PLXNB1: variants seen among roughly 807,000 people sequenced by gnomAD.
PLXNB1 encodes plexin B1.
In PLXNB1, 106 loss-of-function variants were observed where a neutral mutation model predicts 209.4. That is an observed-to-expected ratio of 0.51 (90% CI 0.43 to 0.59). The LOEUF (loss-of-function observed/expected upper bound fraction) is 0.59. Ranked by LOEUF, PLXNB1 falls within the 20% of genes least tolerant of loss-of-function variation. The probability of loss-of-function intolerance (pLI) is 0.00; values close to 1 mark genes in which losing one functional copy is unlikely to be tolerated. For missense variants in PLXNB1, 2,357 were observed against 2,853.2 expected (o/e 0.83, Z 3.96); for synonymous variants, 1,167 against 1,183.2 (o/e 0.99, Z 0.28).
rs891352478 is a variant in PLXNB1 at position 48,405,643 on chromosome 3, G to A, written c.6303+81C>T. The A allele has an allele frequency of 5.4e-5, 60 of 1,105,884 alleles. No homozygotes were observed. In the African/African-American group the frequency reaches 6.6e-4, roughly 12 times the overall value. 68.5% of individuals were successfully genotyped at this position (1,105,884 alleles called of 1,614,324 possible). A position where few individuals can be genotyped will look rare whatever the true frequency, so the allele number is the denominator to read the frequency against. On this transcript the variant is annotated intron_variant, in intron 37 of 37. Transcript: ENST00000296440. This position sits in a 1 kb window ranked among gnomAD's most constrained non-coding sequence, Gnocchi z 5.0. ...CCTGGGGAAGACCAAAGCCCCCAAC[G>A]TGAGTCACAGGGTCAGAGCCCCTTA...
chr3:48,420,624 C>A (rs2038445685), intron 10 of PLXNB1, 41 bp downstream of exon 10: 2 of 1,528,182 alleles, frequency 1.3e-6, no homozygotes, highest in East Asian at 2.3e-5. Context: ...CACTGGGACC[C>A]CCAACCCCCC....
rs199678172 is a variant in PLXNB1, at chr3:48,414,861, G to A, written c.4147C>T (p.Leu1383Phe). Residue 1383 changes from leucine (L) to phenylalanine (F), a missense_variant, in exon 21 of 38, where the codon CTC (leucine) becomes TTC (phenylalanine). Leu to Phe is a conservative substitution (Grantham distance 22). Transcript: ENST00000296440. Reference protein sequence around the residue: ...SYEADPTLQPLNPEDPTMPFR... With the variant: ...SYEADPTLQPFNPEDPTMPFR... ...GGCATGGTGGGGTCCTCAGGGTTGA[G>A]TGGCTGCAGGGTGGGGTCGGCCTCA... is the stretch of plus-strand genomic sequence containing the variant. The A allele has an allele frequency of 5.5e-5, 89 of 1,614,120 alleles. No individual in the cohort carries two copies. Among genetic ancestry groups the A allele is most frequent in the East Asian group, 8.9e-5 (4 of 44,890 alleles).
rs968429 is a variant in PLXNB1 at position 48,429,015 on chromosome 3, G to C, written c.-60+993C>G. 0.027 allele frequency among the ~76,000 whole-genome samples: 4,104 copies of C among 152,276 alleles called. 201 individuals are homozygous for C. Among genetic ancestry groups the C allele is most frequent in the African/African-American group, 0.093 (3,883 of 41,558 alleles). ...GCGGGGAAGGGGCCGGCCGGTCCCC[G>C]GCGGCGACGGCGAGGAGGGGGCGCG... On this transcript the variant is annotated intron_variant, in intron 1 of 37. Transcript: ENST00000296440. The surrounding 1 kb of genome is among the most constrained non-coding windows in gnomAD (Gnocchi z 6.4).
In PLXNB1 at chr3:48,413,934, A is replaced by G. The variant is rs770942288; in HGVS notation, c.4347T>C (p.His1449=). The change falls in exon 22 of 38, where the codon CAT becomes CAC. Residue 1449 remains histidine (H), a synonymous_variant. Transcript: ENST00000296440. The surrounding 1 kb of genome is among the most constrained non-coding windows in gnomAD (Gnocchi z 5.4). ...PPVEQPLPRH[H]ALREAPDSLP... Reference sequence around the variant, plus strand: ...AAGAGTCAGGTGCCTCTCGGAGGGCATGGTGCCGTGGCAGGGGCTGCTCCA... The same window carrying G: ...AAGAGTCAGGTGCCTCTCGGAGGGCGTGGTGCCGTGGCAGGGGCTGCTCCA... 1.9e-6 allele frequency: 3 copies of G among 1,612,694 alleles called. No homozygotes were observed. Among genetic ancestry groups the G allele is most frequent in the Non-Finnish European group, 2.5e-6 (3 of 1,179,418 alleles).
rs1315907120 is a variant in PLXNB1, at chr3:48,429,645, A to G, written c.-60+363T>C. On this transcript the variant is annotated intron_variant, in intron 1 of 37. Transcript: ENST00000296440. The surrounding 1 kb of genome is among the most constrained non-coding windows in gnomAD (Gnocchi z 6.4). ...GGACCCGACCCCTCCCGCACGGGGGAGGGCGGGGGCGGGCTGCACCGCGGC... is the reference window on the plus strand; with the variant it reads ...GGACCCGACCCCTCCCGCACGGGGGGGGGCGGGGGCGGGCTGCACCGCGGC... Among the ~76,000 whole-genome samples, 1 of 151,316 alleles carries G rather than the reference A, an allele frequency of 6.6e-6. No individual in the cohort carries two copies. Among genetic ancestry groups the G allele is most frequent in the Non-Finnish European group, 1.5e-5 (1 of 67,740 alleles).
chr3:48,413,449 C>T lies in PLXNB1; in HGVS notation c.4535+221G>A. The T allele has an allele frequency of 1.6e-6, 1 of 606,490 alleles. No homozygotes were observed. The highest frequency in any genetic ancestry group is 2.0e-5 in the South Asian group (1 of 49,158). 37.6% of individuals were successfully genotyped at this position (606,490 alleles called of 1,614,324 possible). On this transcript the variant is annotated intron_variant, in intron 23 of 37. Coordinates refer to ENST00000296440, the MANE Select transcript of PLXNB1 (RefSeq NM_001130082.3). The surrounding 1 kb of genome is among the most constrained non-coding windows in gnomAD (Gnocchi z 5.4). Reference sequence around the variant, plus strand: ...CTATTTTTATAAAGATTTGTTAGAACACAGCCACTTTCATGTGTTTCCATG... The same window carrying T: ...CTATTTTTATAAAGATTTGTTAGAATACAGCCACTTTCATGTGTTTCCATG...
rs1346442997 is a variant in PLXNB1, at chr3:48,413,613, C to T, written c.4535+57G>A. ...GACTCCTGGCCCGGTCTGTCCCTTC[C>T]CAGTCCAGCCAGATCCCACGACCTG... On this transcript the variant is annotated intron_variant, in intron 23 of 37. Coordinates refer to ENST00000296440, the MANE Select transcript of PLXNB1 (RefSeq NM_001130082.3). The surrounding 1 kb of genome is among the most constrained non-coding windows in gnomAD (Gnocchi z 5.4). 2 of 1,535,280 alleles carry T rather than the reference C, an allele frequency of 1.3e-6. No homozygotes were observed. The highest frequency in any genetic ancestry group is 1.8e-6 in the Non-Finnish European group (2 of 1,131,828).
chr3:48,424,528 G>A lies in PLXNB1; in HGVS notation c.84C>T (p.Phe28=). The change falls in exon 3 of 38, where the codon TTC becomes TTT. Residue 28 remains phenylalanine (F), a synonymous_variant. Coordinates refer to ENST00000296440, the MANE Select transcript of PLXNB1 (RefSeq NM_001130082.3). ...GCTGCAGATACGTGCCATTGGGAGT[G>A]AATGCAGTTGGTGGAAGGGGCTGGA... The part of the protein sequence containing the change: ...LTLQPLPPTA[F]TPNGTYLQHL... The A allele has an allele frequency of 6.3e-7, 1 of 1,593,858 alleles. No individual in the cohort carries two copies. Among genetic ancestry groups the A allele is most frequent in the Non-Finnish European group, 8.5e-7 (1 of 1,170,610 alleles).
chr3:48,423,482 AG>A (rs1465079474), intron 3 of PLXNB1, 22 bp downstream of exon 3: 12 of 1,599,826 alleles, frequency 7.5e-6, no homozygotes, highest in Non-Finnish European at 1.0e-5. Flanking sequence ...GAGGCGGAAA[AG>A]TGGGGCAATA....
rs184077189 is a variant in PLXNB1 at position 48,419,778 on chromosome 3, C to A, written c.2508G>T (p.Lys836Asn). Residue 836 changes from lysine to asparagine, a missense_variant, in exon 11 of 38, where the codon AAG becomes AAT. Transcript: ENST00000296440. The surrounding 1 kb of genome is among the most constrained non-coding windows in gnomAD (Gnocchi z 5.7). The part of the protein sequence containing the change: ...TTFPGAMGSV[K>N]PALDWLTREG... ...CTCTCGTGAGCCAGTCCAGGGCGGG[C>A]TTCACGGAGCCCATGGCCCCTGGGA... 4 of 1,602,952 alleles carry A rather than the reference C, an allele frequency of 2.5e-6. No individual in the cohort carries two copies. Among genetic ancestry groups the A allele is most frequent in the East Asian group, 2.2e-5 (1 of 44,520 alleles).
chr3:48,423,836 T>G lies in PLXNB1; in HGVS notation c.776A>C (p.Tyr259Ser). ...SRVCLRDQHY[Y>S]SYVELPLACE... ...GGCCAGAGGCAACTCCACATAGGAG[T>G]AGTAGTGCTGGTCCCGGAGACACAC... Residue 259 changes from tyrosine to serine, a missense_variant, in exon 3 of 38, where the codon TAC becomes TCC. Around this residue, in one of 7 missense-constraint regions of PLXNB1, gnomAD observed 404 missense variants for 443.6 expected, o/e 0.91. Transcript: ENST00000296440. 6.2e-7 allele frequency: 1 copy of G among 1,612,888 alleles called. No individual in the cohort carries two copies. Among genetic ancestry groups the G allele is most frequent in the Non-Finnish European group, 8.5e-7 (1 of 1,179,702 alleles).
Position 48,415,926 on chromosome 3 carries a change from A to C in PLXNB1, c.3617+105T>G. ...GGAGGGTCTGGCCACTCTCTGAAGG[A>C]GCAGACTGGCCCTCTTCCCCTTTCT... On this transcript the variant is annotated intron_variant, in intron 18 of 37. Coordinates refer to ENST00000296440, the MANE Select transcript of PLXNB1 (RefSeq NM_001130082.3). This position sits in a 1 kb window ranked among gnomAD's most constrained non-coding sequence, Gnocchi z 5.0. 2 of 1,403,962 alleles carry C rather than the reference A, an allele frequency of 1.4e-6. No homozygotes were observed. Among genetic ancestry groups the C allele is most frequent in the South Asian group, 2.7e-5 (2 of 73,902 alleles). The allele number at this position is 1,403,962 out of a possible 1,614,324, so 87.0% of individuals were successfully genotyped here.
chr3:48,412,120 C>G (rs1575384858), intron 27 of PLXNB1, 111 bp from the exon 28 acceptor site: 1 of 1,481,066 alleles, frequency 6.8e-7, no homozygotes, highest in East Asian at 2.3e-5. Flanking sequence ...TGAGGACAGG[C>G]TGAGCAGGAG....
rs1331612840 is a variant in PLXNB1 at position 48,411,145 on chromosome 3, G to A, written c.5248-109C>T. The A allele has an allele frequency of 9.1e-6, 8 of 879,856 alleles. No homozygotes were observed. The highest frequency in any genetic ancestry group is 5.3e-5 in the East Asian group (2 of 37,692). The allele number at this position is 879,856 out of a possible 1,614,324, so 54.5% of individuals were successfully genotyped here. On this transcript the variant is annotated intron_variant, in intron 28 of 37. Coordinates refer to ENST00000296440, the MANE Select transcript of PLXNB1 (RefSeq NM_001130082.3). This position sits in a 1 kb window ranked among gnomAD's most constrained non-coding sequence, Gnocchi z 4.0. Reference sequence around the variant, plus strand: ...AGAAACTGCTGCCTCCAATCCCCACGCACCACACAATCCCTAATTCTCGTC... The same window carrying A: ...AGAAACTGCTGCCTCCAATCCCCACACACCACACAATCCCTAATTCTCGTC...
rs1453278974 is a variant in PLXNB1, at chr3:48,429,587, A to T, written c.-60+421T>A. The T allele has an allele frequency of 6.6e-6, 1 of 150,752 alleles. No individual in the cohort carries two copies. Among genetic ancestry groups the T allele is most frequent in the East Asian group, 2.0e-4 (1 of 5,048 alleles). The allele number at this position is 150,752 out of a possible 1,614,324, so 9.3% of individuals were successfully genotyped here. ...CGAACCGCCCGGGACCCCGCATTCCAGCCCCGCGGGCTCCGCATCGGCCGA... is the reference window on the plus strand; with the variant it reads ...CGAACCGCCCGGGACCCCGCATTCCTGCCCCGCGGGCTCCGCATCGGCCGA... On this transcript the variant is annotated intron_variant, in intron 1 of 37. Transcript: ENST00000296440. The surrounding 1 kb of genome is among the most constrained non-coding windows in gnomAD (Gnocchi z 6.4).
rs1484942964 is a variant in PLXNB1 at position 48,418,794 on chromosome 3, C to T, written c.2955+123G>A. ...CAGAGGTCAGAAATGGGTGTGGAGA[C>T]TCCCTCAGGGCGACACGGTCAGAGC... On this transcript the variant is annotated intron_variant, in intron 13 of 37. Transcript: ENST00000296440. The surrounding 1 kb of genome is among the most constrained non-coding windows in gnomAD (Gnocchi z 6.6). The T allele has an allele frequency of 1.6e-6, 2 of 1,274,964 alleles. No homozygotes were observed. The highest frequency in any genetic ancestry group is 2.2e-6 in the Non-Finnish European group (2 of 898,372). 79.0% of individuals were successfully genotyped at this position (1,274,964 alleles called of 1,614,324 possible).
In PLXNB1 at chr3:48,416,689, A is replaced by G. The variant is rs973574908; in HGVS notation, c.3375-238T>C. ...TTTAAGTTCAACCCCAGGGGCCCCC[A>G]ATAAGGAAGAATTTATCTGTGGCAT... is the stretch of plus-strand genomic sequence containing the variant. On this transcript the variant is annotated intron_variant, in intron 16 of 37. Transcript: ENST00000296440. This position sits in a 1 kb window ranked among gnomAD's most constrained non-coding sequence, Gnocchi z 4.1. 9 of 382,746 alleles carry G rather than the reference A, an allele frequency of 2.4e-5. No individual in the cohort carries two copies. Among genetic ancestry groups the G allele is most frequent in the Admixed American group, 1.8e-4 (4 of 21,950 alleles). The allele number at this position is 382,746 out of a possible 1,614,324, so 23.7% of individuals were successfully genotyped here.
At position 48,410,252 on chromosome 3, in the gene PLXNB1, T is replaced by A; in HGVS notation, c.5605+44A>T. 1 of 1,535,354 alleles carries A rather than the reference T, an allele frequency of 6.5e-7. No homozygotes were observed. The highest frequency in any genetic ancestry group is 1.2e-5 in the South Asian group (1 of 82,482). On this transcript the variant is annotated intron_variant, in intron 31 of 37. Transcript: ENST00000296440. The surrounding 1 kb of genome is among the most constrained non-coding windows in gnomAD (Gnocchi z 6.4). ...GAGGACCTTCCCCATGACTCCGGGC[T>A]GGGCACAGCAGGGGCAGAGGACCGT...
chr3:48,415,594 C>T lies in PLXNB1; in HGVS notation c.3783G>A (p.Lys1261=). The T allele has an allele frequency of 6.3e-7, 1 of 1,581,292 alleles. No individual in the cohort carries two copies. Among genetic ancestry groups the T allele is most frequent in the Middle Eastern group, 1.7e-4 (1 of 6,006 alleles). Residue 1261 remains lysine, a synonymous_variant, in exon 19 of 38, where the codon AAG becomes AAA. Transcript: ENST00000296440. The surrounding 1 kb of genome is among the most constrained non-coding windows in gnomAD (Gnocchi z 5.0). Reference sequence around the variant, plus strand: ...CCCTGGCCCAACACCTGAGGAAGCTCTTGGTGGGGCCAGCAGAGGTGATGT... The same window carrying T: ...CCCTGGCCCAACACCTGAGGAAGCTTTTGGTGGGGCCAGCAGAGGTGATGT... ...DPNITSAGPT[K]SFLSGGREIC... is the part of the protein sequence containing the mutation.
Sources: allele counts gnomAD v4.1 joint callset (sites outside exome capture counted in the v4.1 genomes callset), GRCh38; gene constraint gnomAD v4.1.1; regional missense constraint gnomAD v4.1.1; non-coding constraint Gnocchi (gnomAD v3.1); transcripts MANE v1.5; gene names NCBI Gene and HGNC (gene_info 2026-07-23, HGNC 2026-07-21).